The following CLEC16A variants were observed in gnomAD, a reference collection of about 807,000 sequenced individuals.
CLEC16A encodes the protein protein CLEC16A.
Under a neutral mutation model 109.5 loss-of-function variants are expected in CLEC16A, and 51 were observed. That is an observed-to-expected ratio of 0.47 (90% CI 0.37 to 0.59). CLEC16A has a LOEUF of 0.59. CLEC16A is among the 20% of genes least tolerant of loss of function. The pLI, the probability that CLEC16A is intolerant of heterozygous loss-of-function variation, is 0.00. For missense variants in CLEC16A, 1,339 were observed against 1,394.0 expected (o/e 0.96, Z 0.63); for synonymous variants, 673 against 564.2 (o/e 1.19, Z -2.73).
intron 5 of CLEC16A, chr16:10,971,446 A>G (rs998996249): frequency 3.3e-6 from 2 of 610,998 alleles, no homozygotes; most frequent in Non-Finnish European, 4.1e-6. Flanking sequence ...AGTCTTGCTC[A>G]TGCTGCTACA....
chr16:11,097,327 T>G (rs2050663043), intron 19 of CLEC16A, among the ~76,000 whole-genome samples: 1 of 152,200 alleles, frequency 6.6e-6, no homozygotes, highest in African/African-American at 2.4e-5. Context: ...ACCAATTTTC[T>G]TATCTGAAAG....
chr16:10,986,290 A>C (rs913009838), intron 10 of CLEC16A, among the ~76,000 whole-genome samples: 1 of 152,018 alleles, frequency 6.6e-6, no homozygotes, highest in Non-Finnish European at 1.5e-5. Flanking sequence ...TCAGCCTCCC[A>C]AAGTGCTGAG....
chr16:11,124,722 T>G (rs1474223377), intron 21 of CLEC16A, among the ~76,000 whole-genome samples: 4 of 152,168 alleles, frequency 2.6e-5, no homozygotes, highest in African/African-American at 9.7e-5. Flanking sequence ...CCAGTGCTCA[T>G]CCTGGTGGCT....
At position 11,129,574 on chromosome 16, in the gene CLEC16A, C is replaced by G. The variant is rs146916393; in HGVS notation, c.2641+3428C>G. Among the ~76,000 whole-genome samples the G allele has an allele frequency of 5.5e-3, 832 of 152,336 alleles. 4 individuals carry two copies. Among genetic ancestry groups the G allele is most frequent in the Non-Finnish European group, 9.2e-3 (627 of 68,036 alleles). On this transcript the variant is annotated intron_variant, in intron 22 of 23. Coordinates refer to ENST00000409790, the MANE Select transcript of CLEC16A (RefSeq NM_015226.3). ...AGGATTTCCAGACCACACTTTGAGACCCACTCCTGTAAATCACTGTGGCCT... is the reference window on the plus strand; with the variant it reads ...AGGATTTCCAGACCACACTTTGAGAGCCACTCCTGTAAATCACTGTGGCCT...
At chr16:11,074,851 CTGTT>C (rs60166324) in intron 19 of CLEC16A, among the ~76,000 whole-genome samples, 2,122 of 152,228 alleles carry the variant, frequency 0.014, 33 homozygotes, top group African/African-American at 0.047. Flanking sequence ...GTAGTGGAGA[CTGTT>C]TGAGCTTTTT....
intron 19 of CLEC16A, among the ~76,000 whole-genome samples, chr16:11,101,572 C>T (rs555366629): frequency 2.6e-5 from 4 of 152,292 alleles, no homozygotes; most frequent in South Asian, 4.1e-4. Context: ...TCTCCAACAC[C>T]TTGGATGTCC....
chr16:11,136,927 ACAAGT>A (rs2053594749), intron 22 of CLEC16A, among the ~76,000 whole-genome samples: 1 of 152,190 alleles, frequency 6.6e-6, no homozygotes, highest in Non-Finnish European at 1.5e-5. Flanking sequence ...TTACCAGCTC[ACAAGT>A]GGCCAGCCAG....
chr16:11,093,630 T>C (rs527556490), intron 19 of CLEC16A, among the ~76,000 whole-genome samples: 28 of 152,230 alleles, frequency 1.8e-4, no homozygotes, highest in African/African-American at 5.8e-4. Flanking sequence ...GAAGTAAATA[T>C]CAGCCAGGCG....
intron 20 of CLEC16A, among the ~76,000 whole-genome samples, chr16:11,122,925 A>G (rs896752228): frequency 2.8e-4 from 16 of 56,234 alleles, no homozygotes; most frequent in Non-Finnish European, 4.0e-4. Context: ...TTTTTTTGAG[A>G]TGGAGTCTCA....
At chr16:11,052,839 A>C (rs1371907241) in intron 18 of CLEC16A, among the ~76,000 whole-genome samples, 1 of 152,178 alleles carries the variant, frequency 6.6e-6, no homozygotes, top group African/African-American at 2.4e-5. Flanking sequence ...GAAGGTCCAG[A>C]GGACTGAACG....
At chr16:10,973,567 A>G (rs1370923133) in intron 7 of CLEC16A, among the ~76,000 whole-genome samples, 1 of 152,004 alleles carries the variant, frequency 6.6e-6, no homozygotes, top group Admixed American at 6.6e-5. Flanking sequence ...TAATGAGTAT[A>G]GGGCTTTTTT....
intron 11 of CLEC16A, among the ~76,000 whole-genome samples, chr16:11,013,650 C>T (rs192697727): frequency 8.5e-5 from 13 of 152,152 alleles, no homozygotes; most frequent in Admixed American, 3.3e-4. Context: ...CCCAGCTATT[C>T]GGGGAGGCTG....
rs906781021 is a variant in CLEC16A, at chr16:11,113,289, T to G, written c.2117-7326T>G. Among the ~76,000 whole-genome samples the G allele has an allele frequency of 3.9e-5, 6 of 152,228 alleles. 1 individual carries two copies. In the East Asian group the frequency reaches 1.2e-3, roughly 29 times the overall value. ...TCATAAAGACCTGAGTCCCTTTGTGTAAAGCTGTGGAAAGAGACTCACTTA... is the reference window on the plus strand; with the variant it reads ...TCATAAAGACCTGAGTCCCTTTGTGGAAAGCTGTGGAAAGAGACTCACTTA... On this transcript the variant is annotated intron_variant, in intron 19 of 23. Coordinates refer to ENST00000409790, the MANE Select transcript of CLEC16A (RefSeq NM_015226.3).
chr16:11,104,706 G>A (rs1056792165), intron 19 of CLEC16A, among the ~76,000 whole-genome samples: 3 of 152,198 alleles, frequency 2.0e-5, no homozygotes, highest in Non-Finnish European at 4.4e-5. Flanking sequence ...GTTCCCAACA[G>A]CATTCCTACA....
At chr16:11,157,314 C>G in intron 22 of CLEC16A, 1 of 1,002,580 alleles carries the variant, frequency 1.0e-6, no homozygotes, top group Non-Finnish European at 1.3e-6. Context: ...ACGAACATCC[C>G]TTCCCCAGGT....
At chr16:11,076,694 C>T (rs928081050) in intron 19 of CLEC16A, among the ~76,000 whole-genome samples, 2 of 152,314 alleles carry the variant, frequency 1.3e-5, no homozygotes, top group Middle Eastern at 3.4e-3. Context: ...TGACAGACAG[C>T]GCGACCTTTA....
chr16:10,977,845 G>GCTTTC (rs886949909), intron 8 of CLEC16A, among the ~76,000 whole-genome samples: 14 of 152,244 alleles, frequency 9.2e-5, no homozygotes, highest in South Asian at 8.3e-4. Context: ...AAGCACACTG[G>GCTTTC]CTTTCCTTTC....
At chr16:11,130,860 C>G (rs1007913155) in intron 22 of CLEC16A, among the ~76,000 whole-genome samples, 2 of 152,122 alleles carry the variant, frequency 1.3e-5, no homozygotes, top group African/African-American at 4.8e-5. Context: ...ATCTGCGGGC[C>G]CAGGTAATTG....
At chr16:11,094,902 A>G (rs1301271829) in intron 19 of CLEC16A, among the ~76,000 whole-genome samples, 4 of 152,180 alleles carry the variant, frequency 2.6e-5, no homozygotes, top group African/African-American at 9.7e-5. Context: ...CACATAATGG[A>G]AAAAGTTTCC....
Sources: gnomAD v4.1 joint callset for allele counts (sites outside exome capture counted in the v4.1 genomes callset) on GRCh38, gnomAD v4.1.1 for gene constraint, MANE v1.5 for transcripts, NCBI Gene and HGNC (gene_info 2026-07-23, HGNC 2026-07-21) for gene names.